PLEKHA1: variants seen among roughly 807,000 people sequenced by gnomAD.
PLEKHA1 encodes the protein pleckstrin homology domain-containing family A member 1.
A neutral mutation model predicts 52.0 loss-of-function variants in PLEKHA1; 34 were observed. The ratio of observed to expected loss-of-function variants is 0.65; its 90% CI spans 0.50 to 0.87. The LOEUF is 0.87. PLEKHA1 is among the 40% of genes least tolerant of loss of function. The pLI, the probability that PLEKHA1 is intolerant of heterozygous loss-of-function variation, is 0.00. For missense variants in PLEKHA1, 497 were observed against 504.2 expected (o/e 0.99, Z 0.14); for synonymous variants, 163 against 170.7 (o/e 0.95, Z 0.35).
chr10:122,388,925 C>T (rs28826947), intron 1 of PLEKHA1, among the ~76,000 whole-genome samples: 150,453 of 152,328 alleles, frequency 0.99, 74,384 homozygotes, highest in Middle Eastern at 1. Context: ...ATTTTCAGGC[C>T]CTTCTAATTC....
Position 122,424,875 on chromosome 10 carries a change from T to G in PLEKHA1, c.747-21T>G, listed in dbSNP as rs759179981. 6.3e-6 allele frequency: 10 copies of G among 1,598,894 alleles called. No individual in the cohort carries two copies. In the Middle Eastern group the frequency reaches 8.3e-4, roughly 132 times the overall value. ...TCAAACAACTGCTATTTAAGTATAA[T>G]TGGATTTTTTTTTCATACAGCGACA... On this transcript the variant is annotated intron_variant, in intron 9 of 11. Coordinates refer to ENST00000368990, the MANE Select transcript of PLEKHA1 (RefSeq NM_001001974.4).
intron 1 of PLEKHA1, among the ~76,000 whole-genome samples, chr10:122,385,624 G>A (rs7084349): frequency 0.31 from 47,653 of 151,888 alleles, 8,075 homozygotes; most frequent in Non-Finnish European, 0.4. Context: ...CCTATTTCTG[G>A]CCTTTTTTGT....
chr10:122,433,938 T>C (rs1253197577), downstream of PLEKHA1: 6 of 152,252 alleles, frequency 3.9e-5, no homozygotes, highest in East Asian at 1.2e-3. Flanking sequence ...TTTTTTAGTA[T>C]GTCCTACCTA....
intron 2 of PLEKHA1, among the ~76,000 whole-genome samples, chr10:122,394,175 A>T (rs1446914841): frequency 2.7e-5 from 4 of 146,242 alleles, no homozygotes; most frequent in Non-Finnish European, 6.0e-5. Context: ...CCTGGGTTCA[A>T]GTGATTCTCA....
Position 122,378,720 on chromosome 10 carries a change from G to A in PLEKHA1, c.-21+3914G>A, listed in dbSNP as rs573531853. 7.9e-4 allele frequency among the ~76,000 whole-genome samples: 116 copies of A among 147,698 alleles called. 2 individuals are homozygous for A. The South Asian group carries it at 0.024, about 31-fold the overall frequency. ...TGTGGCACTCCAGCCTGGGTGACAGGAGAGTGAGACCCTGTCTCCAAAAAA... is the reference window on the plus strand; with the variant it reads ...TGTGGCACTCCAGCCTGGGTGACAGAAGAGTGAGACCCTGTCTCCAAAAAA... On this transcript the variant is annotated intron_variant, in intron 1 of 11. Coordinates refer to ENST00000368990, the MANE Select transcript of PLEKHA1 (RefSeq NM_001001974.4).
At chr10:122,374,973 G>A (rs1025274356) in intron 1 of PLEKHA1, 167 bp downstream of exon 1, 9 of 151,950 alleles carry the variant, frequency 5.9e-5, no homozygotes, top group Non-Finnish European at 1.0e-4. Flanking sequence ...TGAGTGCGGA[G>A]CCGGCGCCCC....
At chr10:122,433,325 A>AC (rs369667254), downstream of PLEKHA1, 5 of 152,160 alleles carry the variant, frequency 3.3e-5, no homozygotes, top group African/African-American at 1.2e-4. Flanking sequence ...ATAAATTGAG[A>AC]CCCCAGAAAG....
intron 1 of PLEKHA1, among the ~76,000 whole-genome samples, chr10:122,390,035 T>C (rs1310394498): frequency 1.3e-5 from 2 of 152,254 alleles, no homozygotes; most frequent in African/African-American, 4.8e-5. Flanking sequence ...TGATGTCAGC[T>C]AGATCTTCCT....
chr10:122,420,444 T>A (rs2097243476), intron 8 of PLEKHA1: 1 of 152,188 alleles, frequency 6.6e-6, no homozygotes, highest in African/African-American at 2.4e-5. Context: ...TGTTAACACA[T>A]GGCTCAGCTT....
chr10:122,437,640 G>A, the PLEKHA1 span: 1 of 152,316 alleles, frequency 6.6e-6, no homozygotes, highest in Non-Finnish European at 1.5e-5. Flanking sequence ...AGAAGAGGAG[G>A]AAGTAGCCAT....
intron 2 of PLEKHA1, among the ~76,000 whole-genome samples, chr10:122,397,264 G>T (rs1321604231): frequency 6.6e-6 from 1 of 152,052 alleles, no homozygotes; most frequent in African/African-American, 2.4e-5. Context: ...TTTCTGGATA[G>T]CTTCAACCAG....
intron 1 of PLEKHA1, among the ~76,000 whole-genome samples, chr10:122,375,541 C>T (rs2096519950): frequency 6.6e-6 from 1 of 152,212 alleles, no homozygotes; most frequent in African/African-American, 2.4e-5. Context: ...AGCTTTGGGG[C>T]CGTCTTGAGT....
At chr10:122,384,501 G>A (rs951063891) in intron 1 of PLEKHA1, among the ~76,000 whole-genome samples, 2 of 151,690 alleles carry the variant, frequency 1.3e-5, no homozygotes, top group African/African-American at 4.8e-5. Context: ...CCAGCTGCTC[G>A]GGAGGCTGAG....
At chr10:122,394,846 T>G (rs897279249) in intron 2 of PLEKHA1, among the ~76,000 whole-genome samples, 2 of 152,238 alleles carry the variant, frequency 1.3e-5, no homozygotes, top group African/African-American at 4.8e-5. Context: ...GCTCCTTGAT[T>G]ATTTTTCTGT....
At chr10:122,418,232 C>G in intron 8 of PLEKHA1, 1 of 319,258 alleles carries the variant, frequency 3.1e-6, no homozygotes, top group East Asian at 5.7e-5. Flanking sequence ...TAAATTTCCT[C>G]TAAAGGGGCT....
chr10:122,376,424 T>C (rs538149374), intron 1 of PLEKHA1, among the ~76,000 whole-genome samples: 3 of 151,260 alleles, frequency 2.0e-5, no homozygotes, highest in Middle Eastern at 3.5e-3. Flanking sequence ...AACCTTACAC[T>C]GTATCTACTG....
chr10:122,441,032 T>A, the PLEKHA1 span: 8 of 152,308 alleles, frequency 5.3e-5, no homozygotes, highest in East Asian at 1.4e-3. Flanking sequence ...GTGTGGTCCC[T>A]GAGACCAACA....
In PLEKHA1 at chr10:122,424,182, T is replaced by C. The variant is rs201899349; in HGVS notation, c.682-17T>C. On this transcript the variant is annotated splice_polypyrimidine_tract_variant and intron_variant, in intron 8 of 11. Transcript: ENST00000368990. ...AACATCATGTAACTGTTTTTTTTTT[T>C]TTTTTTTTTTTGCCAGGAAAAGGAA... 8.9e-6 allele frequency: 13 copies of C among 1,468,564 alleles called. No individual in the cohort carries two copies. Among genetic ancestry groups the C allele is most frequent in the South Asian group, 4.0e-5 (3 of 74,826 alleles). 91.0% of individuals were successfully genotyped at this position (1,468,564 alleles called of 1,614,324 possible). A position where few individuals can be genotyped will look rare whatever the true frequency, so the allele number is the denominator to read the frequency against.
rs969871805 is a variant in PLEKHA1, at chr10:122,430,911, G to A, written c.*973G>A. 3 of 152,556 alleles carry A rather than the reference G, an allele frequency of 2.0e-5. No homozygotes were observed. Among genetic ancestry groups the A allele is most frequent in the African/African-American group, 4.8e-5 (2 of 41,426 alleles). The allele number at this position is 152,556 out of a possible 1,614,324, so 9.5% of individuals were successfully genotyped here. A position where few individuals can be genotyped will look rare whatever the true frequency, so the allele number is the denominator to read the frequency against. On this transcript the variant is annotated 3_prime_UTR_variant, in exon 12 of 12. Coordinates refer to ENST00000368990, the MANE Select transcript of PLEKHA1 (RefSeq NM_001001974.4). ...CTACGTGACTGATTTTAAACATTGTGATAAAATTAATTTTCAGTAGAATAG... is the reference window on the plus strand; with the variant it reads ...CTACGTGACTGATTTTAAACATTGTAATAAAATTAATTTTCAGTAGAATAG...
Sources: allele counts gnomAD v4.1 joint callset (sites outside exome capture counted in the v4.1 genomes callset), GRCh38; gene constraint gnomAD v4.1.1; transcripts MANE v1.5; gene names NCBI Gene and HGNC (gene_info 2026-07-23, HGNC 2026-07-21).